NDUFS7: variants seen among roughly 807,000 people sequenced by gnomAD.
NDUFS7 encodes NADH:ubiquinone oxidoreductase core subunit S7.
NDUFS7 carries 11 observed loss-of-function variants against 31.1 expected under a neutral mutation model. That is an observed-to-expected ratio of 0.35 (90% CI 0.22 to 0.59). The LOEUF (loss-of-function observed/expected upper bound fraction) is 0.59. Among genes scored for constraint, NDUFS7 ranks in the 20% least tolerant of loss-of-function variants. The pLI, the probability that NDUFS7 is intolerant of heterozygous loss-of-function variation, is 0.79. For synonymous variants in NDUFS7, 136 were observed against 127.9 expected (o/e 1.06, Z -0.43); for missense variants, 263 against 324.2 (o/e 0.81, Z 1.45).
At position 1,383,922 on chromosome 19, in the gene NDUFS7, C is replaced by T. The variant is rs1302870636; in HGVS notation, c.-5C>T. 1 of 1,581,300 alleles carries T rather than the reference C, an allele frequency of 6.3e-7. No individual in the cohort carries two copies. Among genetic ancestry groups the T allele is most frequent in the Non-Finnish European group, 8.6e-7 (1 of 1,164,788 alleles). On this transcript the variant is annotated 5_prime_UTR_variant, in exon 1 of 8. Transcript: ENST00000233627. ...CTCAGAGGTTGTCTGAAGGCCGAGG[C>T]CAAGATGGCGGTGCTGTCAGGTGAG... is the stretch of plus-strand genomic sequence containing the variant.
At chr19:1,394,287 C>G (rs1450991937) in intron 7 of NDUFS7, 1 of 1,146,116 alleles carries the variant, frequency 8.7e-7, no homozygotes, top group African/African-American at 1.6e-5. Context: ...CCTGGGCCTC[C>G]CTGTGACTTG....
chr19:1,390,546 C>T (rs2082547753), intron 4 of NDUFS7: 1 of 494,284 alleles, frequency 2.0e-6, no homozygotes, highest in Non-Finnish European at 3.7e-6. Context: ...TGCGCTACTA[C>T]TCGCCTGTAG....
rs770617436 is a variant in NDUFS7 at position 1,388,980 on chromosome 19, C to A, written c.228+42C>A. The A allele has an allele frequency of 3.3e-6, 5 of 1,508,142 alleles. No individual in the cohort carries two copies. The Admixed American group carries it at 7.7e-5, about 23-fold the overall frequency. 93.4% of individuals were successfully genotyped at this position (1,508,142 alleles called of 1,614,324 possible). ...GTAGGCCCTCCTCGAGCGCCAGGGCCTCTCTGCACACTCACAGGCACACAC... is the reference window on the plus strand; with the variant it reads ...GTAGGCCCTCCTCGAGCGCCAGGGCATCTCTGCACACTCACAGGCACACAC... On this transcript the variant is annotated intron_variant, in intron 4 of 7. Coordinates refer to ENST00000233627, the MANE Select transcript of NDUFS7 (RefSeq NM_024407.5).
intron 1 of NDUFS7, among the ~76,000 whole-genome samples, chr19:1,385,793 T>C (rs2082503882): frequency 6.6e-6 from 1 of 152,178 alleles, no homozygotes; most frequent in Non-Finnish European, 1.5e-5. Flanking sequence ...CACTCCAGCC[T>C]GGGTGACAAG....
At chr19:1,389,320 T>C (rs986500019) in intron 4 of NDUFS7, 5 of 460,768 alleles carry the variant, frequency 1.1e-5, no homozygotes, top group Non-Finnish European at 2.2e-5. Context: ...TGCACACACA[T>C]GCACACTCAC....
At position 1,393,954 on chromosome 19, in the gene NDUFS7, C is replaced by G. The variant is rs530811371; in HGVS notation, c.544+624C>G. Reference sequence around the variant, plus strand: ...GATCCCGTGGGACTCTTGCACCTCACGTGGTCCCACGAGGGCCATCCCCCC... The same window carrying G: ...GATCCCGTGGGACTCTTGCACCTCAGGTGGTCCCACGAGGGCCATCCCCCC... On this transcript the variant is annotated intron_variant, in intron 7 of 7. Coordinates refer to ENST00000233627, the MANE Select transcript of NDUFS7 (RefSeq NM_024407.5). This position sits in a 1 kb window ranked among gnomAD's most constrained non-coding sequence, Gnocchi z 7.3. The G allele has an allele frequency of 4.1e-6, 1 of 241,196 alleles. No individual in the cohort carries two copies. The highest frequency in any genetic ancestry group is 2.3e-5 in the African/African-American group (1 of 44,334). 14.9% of individuals were successfully genotyped at this position (241,196 alleles called of 1,614,324 possible).
At chr19:1,392,949 G>C in intron 6 of NDUFS7, 1 of 500,008 alleles carries the variant, frequency 2.0e-6, no homozygotes, top group South Asian at 2.1e-5. Context: ...GTGGCTTTTT[G>C]TTGACACATG....
In NDUFS7 at chr19:1,391,247, G is replaced by A; in HGVS notation, c.455+82G>A. 9 of 1,510,566 alleles carry A rather than the reference G, an allele frequency of 6.0e-6. No individual in the cohort carries two copies. The South Asian group carries it at 1.1e-4, about 18-fold the overall frequency. 93.6% of individuals were successfully genotyped at this position (1,510,566 alleles called of 1,614,324 possible). A position where few individuals can be genotyped will look rare whatever the true frequency, so the allele number is the denominator to read the frequency against. ...CGTGCCCTGATGGCGCTTATCAAAA[G>A]TGTCATCTACATTCAGTGAAATCCC... On this transcript the variant is annotated intron_variant, in intron 6 of 7. Coordinates refer to ENST00000233627, the MANE Select transcript of NDUFS7 (RefSeq NM_024407.5).
rs748743772 is a variant in NDUFS7 at position 1,395,520 on chromosome 19, C to T, written c.*32C>T. 41 of 1,554,614 alleles carry T rather than the reference C, an allele frequency of 2.6e-5. No individual in the cohort carries two copies. The highest frequency in any genetic ancestry group is 1.4e-4 in the East Asian group (6 of 41,628). ...CGCCGCCGCCGCCGGAGCCTGTCGC[C>T]GTCCTGTCCCCAGCCTGCTTGTGTC... On this transcript the variant is annotated 3_prime_UTR_variant, in exon 8 of 8. Transcript: ENST00000233627.
At chr19:1,394,247 A>G (rs1340168266) in intron 7 of NDUFS7, 6 of 678,210 alleles carry the variant, frequency 8.8e-6, no homozygotes, top group Non-Finnish European at 1.3e-5. Context: ...TGCACGGTTC[A>G]GGTCACCCCG....
chr19:1,395,137 G>A, intron 7 of NDUFS7: 1 of 1,394,712 alleles, frequency 7.2e-7, no homozygotes, highest in Non-Finnish European at 9.3e-7. Flanking sequence ...TTGTCCGAGA[G>A]GTCCCTGTGA....
chr19:1,394,014 G>A (rs564196608), intron 7 of NDUFS7: 1 of 259,740 alleles, frequency 3.9e-6, no homozygotes, highest in African/African-American at 2.2e-5. Flanking sequence ...ACGGTAGGCA[G>A]GCTTGGAGGT....
chr19:1,394,142 C>T (rs1249682568), intron 7 of NDUFS7: 5 of 345,686 alleles, frequency 1.4e-5, no homozygotes, highest in East Asian at 7.8e-5. Context: ...TTTGGGCAAG[C>T]GAGAGGCACA....
At chr19:1,390,652 C>T (rs1045540278) in intron 4 of NDUFS7, 14 of 605,912 alleles carry the variant, frequency 2.3e-5, no homozygotes, top group African/African-American at 1.7e-4. Flanking sequence ...ACAGATCTCA[C>T]CCGTTTCTCT....
intron 4 of NDUFS7, chr19:1,390,393 G>C (rs1054371440): frequency 8.9e-6 from 2 of 223,794 alleles, no homozygotes; most frequent in South Asian, 1.3e-4. Context: ...CAGGGAGAGC[G>C]GGAACGGTGG....
At chr19:1,395,080 G>A (rs1022861333) in intron 7 of NDUFS7, 32 of 1,281,812 alleles carry the variant, frequency 2.5e-5, no homozygotes, top group African/African-American at 3.0e-5. Context: ...GGCCCCCATT[G>A]AGTCCTGAGG....
Position 1,388,908 on chromosome 19 carries a change from G to C in NDUFS7, c.198G>C (p.Lys66Asn), listed in dbSNP as rs752857982. The C allele has an allele frequency of 1.9e-6, 3 of 1,610,030 alleles. No individual in the cohort carries two copies. The South Asian group carries it at 3.3e-5, about 18-fold the overall frequency. The change falls in exon 4 of 8, where the codon AAG (lysine) becomes AAC (asparagine). Residue 66 changes from lysine to asparagine, a missense_variant. Coordinates refer to ENST00000233627, the MANE Select transcript of NDUFS7 (RefSeq NM_024407.5). ...GCCGGGGCGAGTATGTGGTGGCCAA[G>C]CTGGATGACCTCGTCAACTGGGCCC... The part of the protein sequence containing the change: ...PSSRGEYVVA[K>N]LDDLVNWARR...
intron 1 of NDUFS7, 48 bp downstream of exon 1, chr19:1,383,990 C>T: frequency 6.5e-7 from 1 of 1,539,108 alleles, no homozygotes; most frequent in Admixed American, 2.0e-5. Context: ...GGTCTGGGGC[C>T]GTGGGAGCCT....
chr19:1,395,353 C>G (rs774735189), intron 7 of NDUFS7, 38 bp from the exon 8 acceptor site: 1 of 1,582,300 alleles, frequency 6.3e-7, no homozygotes, highest in Admixed American at 1.8e-5. Context: ...ACGCGGGCTC[C>G]GGCTGCGGGA....
Sources: allele counts gnomAD v4.1 joint callset (sites outside exome capture counted in the v4.1 genomes callset), GRCh38; gene constraint gnomAD v4.1.1; non-coding constraint Gnocchi (gnomAD v3.1); transcripts MANE v1.5; gene names NCBI Gene and HGNC (gene_info 2026-07-23, HGNC 2026-07-21).